Variants in RPGR observed in about 807,000 individuals in gnomAD.
The protein encoded by RPGR is retinitis pigmentosa GTPase regulator, also known as X-linked retinitis pigmentosa GTPase regulator.
In RPGR, 10 loss-of-function variants were observed where a neutral mutation model predicts 56.3. The observed-to-expected ratio is 0.18, with a 90% CI of 0.11 to 0.30. RPGR has a LOEUF of 0.30. RPGR is among the 10% of genes least tolerant of loss of function. RPGR has a pLI of 1.00. For missense variants in RPGR, 538 were observed against 590.9 expected (o/e 0.91, Z 0.93); for synonymous variants, 197 against 212.9 (o/e 0.93, Z 0.65).
intron 15 of RPGR, chrX:38,284,626 AAAC>A: frequency 1.4e-6 from 1 of 733,758 alleles, no homozygotes; most frequent in African/African-American, 2.3e-5. Flanking sequence ...AGAGTAAAGA[AAAC>A]AACTGTATAG....
At chrX:38,310,543 A>G in intron 7 of RPGR, 72 bp downstream of exon 7, 1 of 1,059,558 alleles carries the variant, frequency 9.4e-7, no homozygotes, top group Non-Finnish European at 1.3e-6. Flanking sequence ...GAACATAAAA[A>G]AAATGAACAT....
chrX:38,295,569 T>C (rs146862855), intron 11 of RPGR, among the ~76,000 whole-genome samples: 6 of 112,436 alleles, frequency 5.3e-5, no homozygotes, highest in African/African-American at 1.6e-4. Flanking sequence ...TGCCAGAATC[T>C]ACTACTTTTT....
At chrX:38,293,223 T>C (rs937066978) in intron 11 of RPGR, among the ~76,000 whole-genome samples, 14 of 111,345 alleles carry the variant, frequency 1.3e-4, no homozygotes, top group African/African-American at 4.6e-4. Flanking sequence ...TTAGGCTTCC[T>C]GGGCCATATG....
rs2066791313 is a variant in RPGR, at chrX:38,269,500, T to C, written c.*126A>G. The C allele has an allele frequency of 6.2e-6, 3 of 485,205 alleles. No homozygotes were observed. Among genetic ancestry groups the C allele is most frequent in the Admixed American group, 7.5e-5 (2 of 26,803 alleles). The allele number at this position is 485,205 out of a possible 1,213,427, so 40.0% of individuals were successfully genotyped here. A position where few individuals can be genotyped will look rare whatever the true frequency, so the allele number is the denominator to read the frequency against. ...CAAAACTGGTCACACTTATAGAAGC[T>C]GAATAAAACATATTAAGTCTTATAT... is the stretch of plus-strand genomic sequence containing the variant. On this transcript the variant is annotated 3_prime_UTR_variant, in exon 19 of 19. Coordinates refer to ENST00000642395, the MANE Select transcript of RPGR (RefSeq NM_000328.3).
chrX:38,282,777 T>TCAG (rs749108562), intron 15 of RPGR, among the ~76,000 whole-genome samples: 40,481 of 105,569 alleles, frequency 0.38, 6,547 homozygotes, highest in East Asian at 0.56. Flanking sequence ...CTGCTGCTGT[T>TCAG]CAGCAGCAGC....
intron 6 of RPGR, among the ~76,000 whole-genome samples, chrX:38,313,806 T>C (rs1159008331): frequency 9.0e-6 from 1 of 110,821 alleles, no homozygotes; most frequent in Admixed American, 9.5e-5. Context: ...AAACTATACA[T>C]CCTATAGTTT....
At position 38,269,223 on chromosome X, in the gene RPGR, CTCAGTTTTGTAAAAATT is replaced by C. The variant is rs1394504083; in HGVS notation, c.*386_*402del. On this transcript the variant is annotated 3_prime_UTR_variant, in exon 19 of 19. Coordinates refer to ENST00000642395, the MANE Select transcript of RPGR (RefSeq NM_000328.3). ...ATATGTTCATTATAAACAATTTTACCTCAGTTTTGTAAAAATTGTAAATACATCAAAAACTGTTACAG... is the reference window on the plus strand; with the variant it reads ...ATATGTTCATTATAAACAATTTTACCGTAAATACATCAAAAACTGTTACAG... 1 of 118,501 alleles carries C rather than the reference CTCAGTTTTGTAAAAATT, an allele frequency of 8.4e-6. No homozygotes were observed. Among genetic ancestry groups the C allele is most frequent in the Non-Finnish European group, 1.7e-5 (1 of 57,630 alleles). 9.8% of individuals were successfully genotyped at this position (118,501 alleles called of 1,213,427 possible).
At position 38,327,432 on chromosome X, in the gene RPGR, C is replaced by A; in HGVS notation, c.-65G>T. On this transcript the variant is annotated 5_prime_UTR_variant, in exon 1 of 19. Coordinates refer to ENST00000642395, the MANE Select transcript of RPGR (RefSeq NM_000328.3). ...GCTGTAGAGGACGGTTTGGTCGGGG[C>A]TAAAGCAGCTACTCCGCACCGACGC... 4.7e-6 allele frequency: 5 copies of A among 1,066,048 alleles called. No homozygotes were observed. Among genetic ancestry groups the A allele is most frequent in the Admixed American group, 2.8e-5 (1 of 35,188 alleles). The allele number at this position is 1,066,048 out of a possible 1,213,427, so 87.9% of individuals were successfully genotyped here.
chrX:38,294,890 C>A lies in RPGR; in HGVS notation c.1414+2394G>T, dbSNP rs1450077970. On this transcript the variant is annotated intron_variant, in intron 11 of 18. Coordinates refer to ENST00000642395, the MANE Select transcript of RPGR (RefSeq NM_000328.3). ...GCAAACACCTTGGTCCATACACTAT[C>A]ATCTCCTGCAAAGGGCTCACAAGTA... 3.6e-5 allele frequency among the ~76,000 whole-genome samples: 4 copies of A among 111,999 alleles called. No individual in the cohort carries two copies. The East Asian group carries it at 8.3e-4, about 23-fold the overall frequency.
intron 1 of RPGR, among the ~76,000 whole-genome samples, chrX:38,325,147 G>C (rs1448829714): frequency 9.8e-6 from 1 of 101,865 alleles, no homozygotes; most frequent in Non-Finnish European, 2.0e-5. Context: ...TCAAGCCTGG[G>C]CGACAGTGTG....
At position 38,297,546 on chromosome X, in the gene RPGR, A is replaced by G. The variant is rs1393381199; in HGVS notation, c.1246-94T>C. 3 of 725,389 alleles carry G rather than the reference A, an allele frequency of 4.1e-6. No individual in the cohort carries two copies. In the African/African-American group the frequency reaches 6.5e-5, roughly 16 times the overall value. 59.8% of individuals were successfully genotyped at this position (725,389 alleles called of 1,213,427 possible). A position where few individuals can be genotyped will look rare whatever the true frequency, so the allele number is the denominator to read the frequency against. On this transcript the variant is annotated intron_variant, in intron 10 of 18. Coordinates refer to ENST00000642395, the MANE Select transcript of RPGR (RefSeq NM_000328.3). ...TAAAAGTTGCTAAAATATTTAAGAG[A>G]AAGTTCAAAGTATGCCAACACTCCA...
At chrX:38,291,327 A>G in intron 12 of RPGR, 66 bp downstream of exon 12, 1 of 651,430 alleles carries the variant, frequency 1.5e-6, no homozygotes, top group South Asian at 2.3e-5. Flanking sequence ...AAGTATACAC[A>G]CATTCACATA....
At chrX:38,293,568 T>C (rs1020567112) in intron 11 of RPGR, among the ~76,000 whole-genome samples, 4 of 112,004 alleles carry the variant, frequency 3.6e-5, no homozygotes, top group Admixed American at 9.5e-5. Flanking sequence ...GGAAGATCAA[T>C]GTGGAAAGTG....
At chrX:38,321,481 C>T (rs769229533) in intron 3 of RPGR, among the ~76,000 whole-genome samples, 11 of 110,863 alleles carry the variant, frequency 9.9e-5, no homozygotes, top group Admixed American at 2.9e-4. Flanking sequence ...GGTGAAACCC[C>T]TTCTCTACAA....
intron 5 of RPGR, chrX:38,318,004 A>G (rs933355922): frequency 8.9e-6 from 1 of 112,498 alleles, no homozygotes; most frequent in Non-Finnish European, 1.9e-5. Context: ...GAATGAAGAT[A>G]CAATAGCATG....
intron 4 of RPGR, among the ~76,000 whole-genome samples, 196 bp downstream of exon 4, chrX:38,320,831 A>C (rs773192132): frequency 5.3e-5 from 6 of 112,979 alleles, no homozygotes; most frequent in Non-Finnish European, 1.1e-4. Context: ...CCAAGAAAAG[A>C]AGCTTTTTCT....
chrX:38,276,968 A>G (rs758030235), intron 15 of RPGR, among the ~76,000 whole-genome samples: 1 of 111,758 alleles, frequency 8.9e-6, no homozygotes. Context: ...GATTTTACGC[A>G]TGCCACTCTA....
Position 38,327,326 on chromosome X carries a change from CG to C in RPGR, c.28+13del. ...CCCTCCCGGCCTTCCGCCACCGGCG[CG>C]GGCGCAACTCACCGGGCATCAGCTC... On this transcript the variant is annotated intron_variant, in intron 1 of 18. Coordinates refer to ENST00000642395, the MANE Select transcript of RPGR (RefSeq NM_000328.3). 1 of 1,184,588 alleles carries C rather than the reference CG, an allele frequency of 8.4e-7. No individual in the cohort carries two copies. Among genetic ancestry groups the C allele is most frequent in the Admixed American group, 2.3e-5 (1 of 43,505 alleles).
At chrX:38,277,042 A>T (rs111826762) in intron 15 of RPGR, among the ~76,000 whole-genome samples, 1,128 of 111,837 alleles carry the variant, frequency 0.01, 12 homozygotes, top group African/African-American at 0.035. Flanking sequence ...ATGGAAAAAA[A>T]AAATAAATAC....
Sources: allele counts gnomAD v4.1 joint callset (sites outside exome capture counted in the v4.1 genomes callset), GRCh38; gene constraint gnomAD v4.1.1; transcripts MANE v1.5; gene names NCBI Gene and HGNC (gene_info 2026-07-23, HGNC 2026-07-21).